The following LAMC3 variants were observed in gnomAD, a reference collection of about 807,000 sequenced individuals.
LAMC3 encodes laminin subunit gamma 3.
Under a neutral mutation model 173.8 loss-of-function variants are expected in LAMC3, and 128 were observed. The ratio of observed to expected loss-of-function variants is 0.74; its 90% confidence interval spans 0.64 to 0.85. The LOEUF is 0.85. Ranked by LOEUF, LAMC3 falls within the 40% of genes least tolerant of loss-of-function variation. LAMC3 has a pLI of 0.00. For missense variants in LAMC3, 2,022 were observed against 2,156.0 expected (o/e 0.94, Z 1.23); for synonymous variants, 897 against 909.1 (o/e 0.99, Z 0.24).
intron 14 of LAMC3, among the ~76,000 whole-genome samples, chr9:131,067,777 G>T (rs1264495900): frequency 8.3e-5 from 9 of 107,944 alleles, no homozygotes; most frequent in African/African-American, 1.9e-4. Context: ...TGGGTGCAGG[G>T]CTGTGCCTGT....
chr9:131,085,728 G>C lies in LAMC3; in HGVS notation c.4230+5G>C. ...TTGGCCAAGGACAGTGCCAAGGTCA[G>C]GGTGGTGGCTGTGACAACAGTGGCC... On this transcript the variant is annotated splice_donor_5th_base_variant and intron_variant, in intron 25 of 27. Coordinates refer to ENST00000361069, the MANE Select transcript of LAMC3 (RefSeq NM_006059.4). 6.2e-7 allele frequency: 1 copy of C among 1,614,090 alleles called. No homozygotes were observed. Among genetic ancestry groups the C allele is most frequent in the African/African-American group, 1.3e-5 (1 of 75,058 alleles).
rs542371242 is a variant in LAMC3, at chr9:131,029,158, A to G, written c.678+2569A>G. On this transcript the variant is annotated intron_variant, in intron 2 of 27. Coordinates refer to ENST00000361069, the MANE Select transcript of LAMC3 (RefSeq NM_006059.4). The surrounding 1 kb of genome is among the most constrained non-coding windows in gnomAD (Gnocchi z 4.6). ...CTCTTATCAGGAGGGACATCCAAGG[A>G]TATGGAGGTCACTCCCCTGGATCCA... 5.3e-5 allele frequency among the ~76,000 whole-genome samples: 8 copies of G among 152,326 alleles called. No individual in the cohort carries two copies. The highest frequency in any genetic ancestry group is 2.6e-4 in the Admixed American group (4 of 15,304).
intron 3 of LAMC3, among the ~76,000 whole-genome samples, chr9:131,035,502 C>T (rs1035679864): frequency 6.6e-6 from 1 of 152,104 alleles, no homozygotes; most frequent in Non-Finnish European, 1.5e-5. Flanking sequence ...TACAGTACCA[C>T]GGGGGAGGGT....
chr9:131,018,350 G>T (rs937083931), intron 1 of LAMC3, among the ~76,000 whole-genome samples: 5 of 151,876 alleles, frequency 3.3e-5, no homozygotes, highest in African/African-American at 1.2e-4. Context: ...GCCCAGGGTG[G>T]TCTCGAACTC....
Position 131,077,186 on chromosome 9 carries a change from G to A in LAMC3, c.3630-1G>A, listed in dbSNP as rs1456729658. 5.0e-6 allele frequency: 8 copies of A among 1,613,428 alleles called. No individual in the cohort carries two copies. Among genetic ancestry groups the A allele is most frequent in the Non-Finnish European group, 6.8e-6 (8 of 1,180,016 alleles). ...GCTCCGTGGCCTCTGCTTCCTCCCA[G>A]GTACCAGGAGGTCCAGGCGGCCCAG... On this transcript the variant is annotated splice_acceptor_variant, in intron 21 of 27. Coordinates refer to ENST00000361069, the MANE Select transcript of LAMC3 (RefSeq NM_006059.4). LOFTEE classifies it high-confidence loss of function.
At chr9:131,051,160 G>T (rs897172901) in intron 9 of LAMC3, among the ~76,000 whole-genome samples, 4 of 152,162 alleles carry the variant, frequency 2.6e-5, no homozygotes, top group Admixed American at 6.5e-5. Context: ...ATGCACTGCA[G>T]AATTAAAATC....
chr9:131,091,798 G>C lies in LAMC3; in HGVS notation c.*11G>C. The C allele has an allele frequency of 6.2e-7, 1 of 1,611,386 alleles. No homozygotes were observed. ...GCCAGCTGGCAGTGAGGGCTGCCCAGATCCCCGGCACACACTCCCCCACCT... is the reference window on the plus strand; with the variant it reads ...GCCAGCTGGCAGTGAGGGCTGCCCACATCCCCGGCACACACTCCCCCACCT... On this transcript the variant is annotated 3_prime_UTR_variant, in exon 28 of 28. Transcript: ENST00000361069.
chr9:131,063,333 GCACGAGGCCCA>G (rs1829867465), intron 13 of LAMC3, among the ~76,000 whole-genome samples: 1 of 152,218 alleles, frequency 6.6e-6, no homozygotes, highest in African/African-American at 2.4e-5. Context: ...CTGCAGACAT[GCACGAGGCCCA>G]CCCAGTGAGA....
At chr9:131,090,387 G>C (rs999280526) in intron 27 of LAMC3, among the ~76,000 whole-genome samples, 1 of 152,206 alleles carries the variant, frequency 6.6e-6, no homozygotes, top group Admixed American at 6.5e-5. Context: ...GTAGAGTGGG[G>C]GCTGTAATCC....
At chr9:131,079,336 G>T in intron 23 of LAMC3, 38 bp downstream of exon 23, 1 of 1,612,584 alleles carries the variant, frequency 6.2e-7, no homozygotes, top group Non-Finnish European at 8.5e-7. Context: ...ACCTGGGAGA[G>T]GTTGGGGCTA....
intron 12 of LAMC3, 119 bp from the exon 13 acceptor site, chr9:131,060,916 C>A: frequency 1.0e-6 from 1 of 988,654 alleles, no homozygotes. Context: ...GCTGCCTCTG[C>A]CTGGGAAAGG....
rs529861882 is a variant in LAMC3, at chr9:131,056,867, G to C, written c.1940-62G>C. ...TCCATATGTGAACAGGAAGGTTTTG[G>C]GGGGAAGCATGTGCAGGGAGCTTGT... On this transcript the variant is annotated intron_variant, in intron 11 of 27. Coordinates refer to ENST00000361069, the MANE Select transcript of LAMC3 (RefSeq NM_006059.4). 3.3e-5 allele frequency: 44 copies of C among 1,325,144 alleles called. No homozygotes were observed. The South Asian group carries it at 4.3e-4, about 13-fold the overall frequency. The allele number at this position is 1,325,144 out of a possible 1,614,324, so 82.1% of individuals were successfully genotyped here. A position where few individuals can be genotyped will look rare whatever the true frequency, so the allele number is the denominator to read the frequency against.
intron 11 of LAMC3, among the ~76,000 whole-genome samples, chr9:131,055,668 G>A (rs1172746346): frequency 1.7e-4 from 26 of 150,108 alleles, no homozygotes; most frequent in Admixed American, 4.0e-4. Flanking sequence ...CTTATGATTC[G>A]CCCGCCTCAG....
Position 131,069,736 on chromosome 9 carries a change from C to T in LAMC3, c.2955C>T (p.Cys985=). The T allele has an allele frequency of 6.2e-7, 1 of 1,601,920 alleles. No homozygotes were observed. The highest frequency in any genetic ancestry group is 8.5e-7 in the Non-Finnish European group (1 of 1,175,080). ...AQCHENGTCV[C]RPGFEGYKCD... ...GCCACGAGAACGGCACATGCGTGTG[C>T]AGGCCTGGCTTCGAGGGCTACAAAT... The change falls in exon 17 of 28, where the codon TGC becomes TGT. Residue 985 remains cysteine, a synonymous_variant. Coordinates refer to ENST00000361069, the MANE Select transcript of LAMC3 (RefSeq NM_006059.4).
chr9:131,057,986 A>G lies in LAMC3; in HGVS notation c.2158+839A>G, dbSNP rs999463449. Among the ~76,000 whole-genome samples the G allele has an allele frequency of 2.0e-5, 3 of 152,254 alleles. No individual in the cohort carries two copies. In the East Asian group the frequency reaches 5.8e-4, roughly 29 times the overall value. On this transcript the variant is annotated intron_variant, in intron 12 of 27. Coordinates refer to ENST00000361069, the MANE Select transcript of LAMC3 (RefSeq NM_006059.4). ...CCTTCCTGTCCCATCTCACAGGTGA[A>G]GGCCCCACGCTGCAGTGCAGATGCA...
At chr9:131,024,895 C>G (rs1387528513) in intron 1 of LAMC3, among the ~76,000 whole-genome samples, 1 of 152,110 alleles carries the variant, frequency 6.6e-6, no homozygotes, top group Admixed American at 6.5e-5. Context: ...GAGGCCCCCT[C>G]TCCTGTCCTG....
chr9:131,067,239 A>T, intron 14 of LAMC3, 34 bp downstream of exon 14: 1 of 1,609,988 alleles, frequency 6.2e-7, no homozygotes, highest in Non-Finnish European at 8.5e-7. Context: ...AGGGTGGCAC[A>T]TGGTGGGCCC....
At chr9:131,032,998 G>C (rs1833872935) in intron 3 of LAMC3, among the ~76,000 whole-genome samples, 1 of 152,218 alleles carries the variant, frequency 6.6e-6, no homozygotes, top group South Asian at 2.1e-4. Flanking sequence ...TACTGGCCTA[G>C]AGAAAGGCGC....
chr9:131,061,106 C>A lies in LAMC3; in HGVS notation c.2230C>A (p.Pro744Thr). Residue 744 changes from proline (P) to threonine (T), a missense_variant, in exon 13 of 28, where the codon CCT (proline) becomes ACT (threonine). Coordinates refer to ENST00000361069, the MANE Select transcript of LAMC3 (RefSeq NM_006059.4). ...CTGTTTGCCAGGTTTCTATGGCAAC[C>A]CTTTCGCGGGCCAAGCCGACGACTG... ...ERCLPGFYGN[P>T]FAGQADDCQP... 1 of 1,614,058 alleles carries A rather than the reference C, an allele frequency of 6.2e-7. No homozygotes were observed. The highest frequency in any genetic ancestry group is 8.5e-7 in the Non-Finnish European group (1 of 1,180,034).
Sources: allele counts gnomAD v4.1 joint callset (sites outside exome capture counted in the v4.1 genomes callset), GRCh38; gene constraint gnomAD v4.1.1; non-coding constraint Gnocchi (gnomAD v3.1); transcripts MANE v1.5; gene names NCBI Gene and HGNC (gene_info 2026-07-23, HGNC 2026-07-21).